The following LAMA2 variants were observed in gnomAD, a reference collection of about 807,000 sequenced individuals.
LAMA2 encodes the protein laminin subunit alpha 2.
Under a neutral mutation model 364.8 loss-of-function variants are expected in LAMA2, and 269 were observed. The observed-to-expected ratio is 0.74, with a 90% CI of 0.67 to 0.82. The LOEUF is 0.82. Ranked by LOEUF, LAMA2 falls within the 40% of genes least tolerant of loss-of-function variation. The pLI, the probability that LAMA2 is intolerant of heterozygous loss-of-function variation, is 0.00. For missense variants in LAMA2, 3,807 were observed against 3,873.2 expected (o/e 0.98, Z 0.45); for synonymous variants, 1,379 against 1,370.6 (o/e 1.01, Z -0.14).
At chr6:129,054,491 T>G (rs1788325267) in intron 2 of LAMA2, among the ~76,000 whole-genome samples, 1 of 152,086 alleles carries the variant, frequency 6.6e-6, no homozygotes, top group Non-Finnish European at 1.5e-5. Flanking sequence ...CCCAGGGGCA[T>G]GAACGGAGTT....
At chr6:129,087,631 A>T (rs2114850834) in intron 3 of LAMA2, among the ~76,000 whole-genome samples, 1 of 152,282 alleles carries the variant, frequency 6.6e-6, no homozygotes, top group Admixed American at 6.5e-5. Context: ...CAACATAATC[A>T]AAATCTGTGG....
intron 18 of LAMA2, among the ~76,000 whole-genome samples, chr6:129,282,082 C>G (rs528507506): frequency 1.6e-4 from 25 of 152,226 alleles, no homozygotes; most frequent in Non-Finnish European, 2.8e-4. Context: ...AGCTTATGCA[C>G]ATCATCTAAA....
intron 1 of LAMA2, among the ~76,000 whole-genome samples, chr6:128,965,166 A>G (rs756985045): frequency 6.6e-6 from 1 of 152,006 alleles, no homozygotes; most frequent in Admixed American, 6.6e-5. Flanking sequence ...TACTCCAAAT[A>G]TATATATTTT....
chr6:129,179,025 A>T (rs1299213013), intron 10 of LAMA2, among the ~76,000 whole-genome samples: 3 of 152,180 alleles, frequency 2.0e-5, no homozygotes, highest in Non-Finnish European at 4.4e-5. Context: ...ATGTCCTGGA[A>T]TGTAGTAAAT....
intron 8 of LAMA2, among the ~76,000 whole-genome samples, chr6:129,163,550 C>A (rs1779569835): frequency 6.6e-6 from 1 of 152,166 alleles, no homozygotes; most frequent in African/African-American, 2.4e-5. Context: ...AGGAGAATAG[C>A]TTGAACCCAG....
chr6:129,283,283 G>A (rs1457048038), intron 18 of LAMA2, among the ~76,000 whole-genome samples: 3 of 151,992 alleles, frequency 2.0e-5, no homozygotes, highest in African/African-American at 7.2e-5. Context: ...GTAAGCAATT[G>A]GAATATCAAG....
intron 1 of LAMA2, among the ~76,000 whole-genome samples, chr6:128,952,022 G>A (rs1349642292): frequency 6.6e-6 from 1 of 151,752 alleles, no homozygotes; most frequent in African/African-American, 2.4e-5. Context: ...AAATAATTAG[G>A]CAGGCATAGT....
At chr6:129,390,396 C>A (rs1779255094) in intron 35 of LAMA2, among the ~76,000 whole-genome samples, 1 of 151,908 alleles carries the variant, frequency 6.6e-6, no homozygotes, top group Non-Finnish European at 1.5e-5. Flanking sequence ...CTTGTCCTGA[C>A]TATGTACACC....
At chr6:129,115,913 T>C (rs116765705) in intron 4 of LAMA2, among the ~76,000 whole-genome samples, 33 of 152,292 alleles carry the variant, frequency 2.2e-4, no homozygotes, top group African/African-American at 7.7e-4. Context: ...TTATCATTTA[T>C]TTCAGCACGT....
intron 1 of LAMA2, among the ~76,000 whole-genome samples, chr6:128,937,384 G>C (rs1390723371): frequency 6.6e-6 from 1 of 152,056 alleles, no homozygotes; most frequent in Non-Finnish European, 1.5e-5. Context: ...CATATAATGA[G>C]ATTGGAAGTG....
At chr6:129,187,828 T>G (rs1246157953) in intron 10 of LAMA2, among the ~76,000 whole-genome samples, 2 of 151,826 alleles carry the variant, frequency 1.3e-5, no homozygotes, top group African/African-American at 4.8e-5. Context: ...GTTTCAAATT[T>G]TGAAACATTT....
chr6:129,265,184 T>C (rs142788744), intron 15 of LAMA2, among the ~76,000 whole-genome samples: 168 of 152,230 alleles, frequency 1.1e-3, no homozygotes, highest in African/African-American at 3.8e-3. Context: ...ATTCCCCACA[T>C]CACTTGTTTG....
In LAMA2 at chr6:129,158,418, T is replaced by G. The variant is rs1779254516; in HGVS notation, c.1206+3735T>G. The G allele has an allele frequency of 1.2e-5, 20 of 1,613,866 alleles. No individual in the cohort carries two copies. The South Asian group carries it at 1.6e-4, about 13-fold the overall frequency. On this transcript the variant is annotated intron_variant, in intron 8 of 64. Transcript: ENST00000421865. ...GCCTTTACCAACTTGCCGGACCATC[T>G]GAATCTGTTTGGCAATAGTTCGCTG...
chr6:129,094,719 G>T (rs1354143996), intron 3 of LAMA2, among the ~76,000 whole-genome samples: 2 of 151,662 alleles, frequency 1.3e-5, no homozygotes, highest in African/African-American at 4.8e-5. Context: ...ATTTTTTCTG[G>T]AAGGAAACAG....
intron 1 of LAMA2, among the ~76,000 whole-genome samples, chr6:128,954,548 T>C (rs375473634): frequency 3.9e-5 from 6 of 152,144 alleles, no homozygotes; most frequent in African/African-American, 1.4e-4. Context: ...CTCAAAAACA[T>C]GGCAGTTGTT....
rs146006612 is a variant in LAMA2, at chr6:129,333,238, A to G, written c.4311+4826A>G. Among the ~76,000 whole-genome samples the G allele has an allele frequency of 3.7e-3, 565 of 152,260 alleles. 4 individuals are homozygous for G. The highest frequency in any genetic ancestry group is 0.013 in the African/African-American group (533 of 41,546). ...TATTATAATTGTGCTTTCACTTGTC[A>G]AAAGCTATATCTGTTATAATAATAA... On this transcript the variant is annotated intron_variant, in intron 29 of 64. Coordinates refer to ENST00000421865, the MANE Select transcript of LAMA2 (RefSeq NM_000426.4).
chr6:129,353,924 G>A (rs540442230), intron 32 of LAMA2, among the ~76,000 whole-genome samples: 12 of 152,122 alleles, frequency 7.9e-5, no homozygotes, highest in Non-Finnish European at 1.8e-4. Context: ...CTCTCTTGCT[G>A]TCTCTCTTTT....
At chr6:129,451,487 C>T (rs1228767439) in intron 45 of LAMA2, among the ~76,000 whole-genome samples, 2 of 152,164 alleles carry the variant, frequency 1.3e-5, no homozygotes, top group Non-Finnish European at 2.9e-5. Flanking sequence ...CACACTCAGG[C>T]CTCCAGCAGT....
intron 29 of LAMA2, among the ~76,000 whole-genome samples, chr6:129,340,675 A>G (rs1776208791): frequency 6.6e-6 from 1 of 151,904 alleles, no homozygotes; most frequent in Non-Finnish European, 1.5e-5. Context: ...ATCTCTACTA[A>G]AAATACAAAA....
Sources: gnomAD v4.1 joint callset for allele counts (sites outside exome capture counted in the v4.1 genomes callset) on GRCh38, gnomAD v4.1.1 for gene constraint, MANE v1.5 for transcripts, NCBI Gene and HGNC (gene_info 2026-07-23, HGNC 2026-07-21) for gene names.